The following TTN variants were observed in gnomAD, a reference collection of about 807,000 sequenced individuals.
TTN encodes connectin.
A neutral mutation model predicts 3,223.0 loss-of-function variants in TTN; 1,525 were observed. The observed-to-expected ratio is 0.47, with a 90% CI of 0.45 to 0.49. The LOEUF is 0.49. Ranked by LOEUF, TTN falls within the 20% of genes least tolerant of loss-of-function variation. TTN has a pLI of 0.00. For synonymous variants in TTN, 14,094 were observed against 15,161.0 expected (o/e 0.93, Z 5.17); for missense variants, 40,786 against 43,424.0 (o/e 0.94, Z 5.40).
rs749399326 is a variant in TTN at position 178,750,000 on chromosome 2, T to C, written c.11311+3124A>G. 5.0e-6 allele frequency: 8 copies of C among 1,613,114 alleles called. No homozygotes were observed. The South Asian group carries it at 5.5e-5, about 11-fold the overall frequency. On this transcript the variant is annotated intron_variant, in intron 47 of 362. Transcript: ENST00000589042. ...GATTGAGTAACTTGATCTTGAGGCA[T>C]TGCTTTAGGTTCCAGCTCCTCAGTT...
In TTN at chr2:178,684,761, C is replaced by A. The variant is rs397517540; in HGVS notation, c.32555-12G>T. 36 of 1,610,610 alleles carry A rather than the reference C, an allele frequency of 2.2e-5. No homozygotes were observed. Among genetic ancestry groups the A allele is most frequent in the Admixed American group, 1.7e-4 (10 of 59,616 alleles). On this transcript the variant is annotated splice_polypyrimidine_tract_variant and intron_variant, in intron 130 of 362. Transcript: ENST00000589042. ...TGGCTCTTCTGGCACTTAAAAGATA[C>A]CAGGCAATACCATCAAACATACGAT...
In TTN at chr2:178,558,833, G is replaced by A. The variant is rs891278858; in HGVS notation, c.86822-196C>T. On this transcript the variant is annotated intron_variant, in intron 326 of 362. Transcript: ENST00000589042. The stretch of plus-strand genomic sequence containing the variant: ...ACAAGCTATGTCATTACATGCTATA[G>A]CATTCAAATCCAAATTAAGGGTAAA... 7.0e-6 allele frequency: 4 copies of A among 567,530 alleles called. No homozygotes were observed. The Admixed American group carries it at 1.5e-4, about 22-fold the overall frequency. 35.2% of individuals were successfully genotyped at this position (567,530 alleles called of 1,614,324 possible). A position where few individuals can be genotyped will look rare whatever the true frequency, so the allele number is the denominator to read the frequency against.
In TTN at chr2:178,605,112, G is replaced by A; in HGVS notation, c.54065C>T (p.Ser18022Phe). The A allele has an allele frequency of 6.2e-7, 1 of 1,612,674 alleles. No individual in the cohort carries two copies. ...DALQITKEEVSRSEAKTELSI... is the reference protein window; with the variant it reads ...DALQITKEEVFRSEAKTELSI... ...AAGCTCAGTTTTTGCCTCACTTCGG[G>A]ATACCTCTTCCTTGGTTATCTGAAG... The change falls in exon 280 of 363, where the codon TCC becomes TTC. Residue 18022 changes from serine (S) to phenylalanine (F), a missense_variant. Ser to Phe is a radical substitution (Grantham distance 155). Coordinates refer to ENST00000589042, the MANE Select transcript of TTN (RefSeq NM_001267550.2).
chr2:178,611,195 G>C lies in TTN; in HGVS notation c.50934C>G (p.Phe16978Leu), dbSNP rs1417308681. 3 of 1,612,640 alleles carry C rather than the reference G, an allele frequency of 1.9e-6. No individual in the cohort carries two copies. The highest frequency in any genetic ancestry group is 2.5e-6 in the Non-Finnish European group (3 of 1,179,294). The part of the protein sequence containing the change: ...EGEKLSIPVP[F>L]RAVPVPTVSW... ...TAACAGTTGGAACTGGGACAGCTCT[G>C]AAGGGAACAGGAATGCTTAACTTTT... The change falls in exon 270 of 363, where the codon TTC becomes TTG. Residue 16978 changes from phenylalanine to leucine, a missense_variant. By Grantham distance (22) the Phe-to-Leu change is conservative (BLOSUM62 0). Transcript: ENST00000589042.
rs1060500452 is a variant in TTN at position 178,582,389 on chromosome 2, C to A, written c.66067G>T (p.Gly22023Cys). ...CAAATACGGAACTGATACTCATGGCCCTCTATAAGTTTCTCCACGCTGCAG... is the reference window on the plus strand; with the variant it reads ...CAAATACGGAACTGATACTCATGGCACTCTATAAGTTTCTCCACGCTGCAG... ...TSCSVEKLIE[G>C]HEYQFRICAE... The change falls in exon 314 of 363, where the codon GGC becomes TGC. Residue 22023 changes from glycine (G) to cysteine (C), a missense_variant. Physicochemically the swap from Gly to Cys is radical, Grantham distance 159. Coordinates refer to ENST00000589042, the MANE Select transcript of TTN (RefSeq NM_001267550.2). The A allele has an allele frequency of 6.2e-7, 1 of 1,612,756 alleles. No homozygotes were observed. The highest frequency in any genetic ancestry group is 8.5e-7 in the Non-Finnish European group (1 of 1,179,314).
Position 178,559,489 on chromosome 2 carries a change from G to A in TTN, c.86643C>T (p.His28881=), listed in dbSNP as rs1553560212. 1 of 1,613,654 alleles carries A rather than the reference G, an allele frequency of 6.2e-7. No homozygotes were observed. The highest frequency in any genetic ancestry group is 8.5e-7 in the Non-Finnish European group (1 of 1,179,712). ...TCTTGCTGGCCTCACGTTTTTCTAT[G>A]TGGTAATTCTTCACTGGTGCTCCAC... ...NDGGAPVKNY[H]IEKREASKKA... The change falls in exon 326 of 363, where the codon CAC becomes CAT. Residue 28881 remains histidine, a synonymous_variant. Coordinates refer to ENST00000589042, the MANE Select transcript of TTN (RefSeq NM_001267550.2).
In TTN at chr2:178,712,380, T is replaced by G. The variant is rs758826201; in HGVS notation, c.27542A>C (p.Gln9181Pro). ...GGCATTTTCAATGTAGCAGTTGTAT[T>G]GTCCTGCATCCTCTACTGTGCTACT... ...IPSSTVEDAG[Q>P]YNCYIENASG... The change falls in exon 95 of 363, where the codon CAA (glutamine) becomes CCA (proline). Residue 9181 changes from glutamine (Q) to proline (P), a missense_variant. By Grantham distance (76) the Gln-to-Pro change is moderately conservative. Transcript: ENST00000589042. 1.2e-6 allele frequency: 2 copies of G among 1,613,840 alleles called. No individual in the cohort carries two copies. The highest frequency in any genetic ancestry group is 3.3e-5 in the Admixed American group (2 of 60,006).
In TTN at chr2:178,718,408, C is replaced by T; in HGVS notation, c.24698G>A (p.Ser8233Asn). ...GTACTGTGCATAATCCTCTATTGTGCTCTCAAGAATTTCCAGTATGGTAGA... is the reference window on the plus strand; with the variant it reads ...GTACTGTGCATAATCCTCTATTGTGTTCTCAAGAATTTCCAGTATGGTAGA... The part of the protein sequence containing the change: ...EKSTILEILE[S>N]TIEDYAQYSC... The change falls in exon 85 of 363, where the codon AGC becomes AAC. Residue 8233 changes from serine (S) to asparagine (N), a missense_variant. Coordinates refer to ENST00000589042, the MANE Select transcript of TTN (RefSeq NM_001267550.2). 1 of 1,613,792 alleles carries T rather than the reference C, an allele frequency of 6.2e-7. No individual in the cohort carries two copies. The highest frequency in any genetic ancestry group is 8.5e-7 in the Non-Finnish European group (1 of 1,179,744).
chr2:178,637,189 A>ATC (rs2060601157), intron 224 of TTN, among the ~76,000 whole-genome samples, 180 bp downstream of exon 224: 2 of 124,724 alleles, frequency 1.6e-5, no homozygotes, highest in Admixed American at 8.2e-5. Context: ...ATATATATAT[A>ATC]TCTCCTTGCA....
At chr2:178,796,139 T>C (rs2093757161) in intron 6 of TTN, among the ~76,000 whole-genome samples, 1 of 152,186 alleles carries the variant, frequency 6.6e-6, no homozygotes, top group South Asian at 2.1e-4. Flanking sequence ...CCAGCACTGA[T>C]GGCCAAAAAA....
chr2:178,748,820 T>G, intron 47 of TTN: 1 of 1,612,054 alleles, frequency 6.2e-7, no homozygotes, highest in Non-Finnish European at 8.5e-7. Flanking sequence ...TATTGCAATG[T>G]TAGATGAATC....
intron 7 of TTN, 65 bp downstream of exon 7, chr2:178,794,857 G>T: frequency 6.4e-7 from 1 of 1,574,318 alleles, no homozygotes; most frequent in Non-Finnish European, 8.6e-7. Context: ...TGAGTTTCAT[G>T]GCAGAAATCC....
Position 178,572,279 on chromosome 2 carries a change from A to C in TTN, c.73853T>G (p.Leu24618Arg). 1 of 1,613,112 alleles carries C rather than the reference A, an allele frequency of 6.2e-7. No homozygotes were observed. Among genetic ancestry groups the C allele is most frequent in the South Asian group, 1.1e-5 (1 of 91,026 alleles). ...CATCAAAGTTATTTTTCCTGGAGGA[A>C]GAGGTCGTTCTGATGCTTTCACAGA... Reference protein sequence around the residue: ...AESVKASERPLPPGKITLMDV... With the variant: ...AESVKASERPRPPGKITLMDV... Residue 24618 changes from leucine (L) to arginine (R), a missense_variant, in exon 326 of 363, where the codon CTT becomes CGT. By Grantham distance (102) the Leu-to-Arg change is moderately radical (BLOSUM62 -2). Transcript: ENST00000589042.
At position 178,618,072 on chromosome 2, in the gene TTN, C is replaced by G; in HGVS notation, c.47279G>C (p.Gly15760Ala). ...VEARSKYDVP[G>A]PPLNVTITDV... ...AGTGATGGTTACATTCAAAGGAGGG[C>G]CTGGAACATCTGGATTTCACCACAG... is the stretch of plus-strand genomic sequence containing the variant. Residue 15760 changes from glycine (G) to alanine (A), a missense_variant, in exon 253 of 363, where the codon GGC becomes GCC. By Grantham distance (60) the Gly-to-Ala change is moderately conservative (BLOSUM62 0). Transcript: ENST00000589042. The G allele has an allele frequency of 1.2e-6, 2 of 1,611,974 alleles. No homozygotes were observed. Among genetic ancestry groups the G allele is most frequent in the South Asian group, 1.1e-5 (1 of 90,950 alleles).
Position 178,651,946 on chromosome 2 carries a change from A to C in TTN, c.39317T>G (p.Val13106Gly). 1 of 1,610,614 alleles carries C rather than the reference A, an allele frequency of 6.2e-7. No homozygotes were observed. The highest frequency in any genetic ancestry group is 8.5e-7 in the Non-Finnish European group (1 of 1,178,422). Reference protein sequence around the residue: ...PPEVFEEPEEVALEEPPAEVV... With the variant: ...PPEVFEEPEEGALEEPPAEVV... ...TTCAGCAGGAGGCTCTTCTAGGGCA[A>C]CTTCCTCAGGCTCCTCGAACACTTT... Residue 13106 changes from valine to glycine, a missense_variant, in exon 205 of 363, where the codon GTT becomes GGT. Physicochemically the swap from Val to Gly is moderately radical, Grantham distance 109. Coordinates refer to ENST00000589042, the MANE Select transcript of TTN (RefSeq NM_001267550.2).
In TTN at chr2:178,714,432, T is replaced by G. The variant is rs2077152071; in HGVS notation, c.26342A>C (p.Asp8781Ala). 6.2e-7 allele frequency: 1 copy of G among 1,613,648 alleles called. No individual in the cohort carries two copies. Residue 8781 changes from aspartate to alanine, a missense_variant, in exon 91 of 363, where the codon GAC (aspartate) becomes GCC (alanine). Physicochemically the swap from Asp to Ala is moderately radical, Grantham distance 126. Coordinates refer to ENST00000589042, the MANE Select transcript of TTN (RefSeq NM_001267550.2). ...TTCTGAATAAGAAATCCATATGTTG[T>G]CACTTTCTCTAACGATTTCTCCCTT... Reference protein sequence around the residue: ...KDKGEIVRESDNIWISYSENI... With the variant: ...KDKGEIVRESANIWISYSENI...
intron 98 of TTN, among the ~76,000 whole-genome samples, 182 bp from the exon 99 acceptor site, chr2:178,710,038 T>A (rs1336500095): frequency 6.6e-6 from 1 of 152,210 alleles, no homozygotes; most frequent in Admixed American, 6.5e-5. Flanking sequence ...TCTAAACTGT[T>A]CTTTGACTTA....
intron 34 of TTN, 144 bp downstream of exon 34, chr2:178,771,067 G>C: frequency 7.5e-7 from 1 of 1,330,106 alleles, no homozygotes; most frequent in Non-Finnish European, 1.0e-6. Context: ...TGTGGAATGT[G>C]TCTCAGGAAG....
chr2:178,631,721 T>C lies in TTN; in HGVS notation c.43748-421A>G, dbSNP rs541986957. ...TAATCATGTCTATATATGTTAGCCT[T>C]CATGTTTAATCTTGTTGATATTAGG... is the stretch of plus-strand genomic sequence containing the variant. On this transcript the variant is annotated intron_variant, in intron 236 of 362. Coordinates refer to ENST00000589042, the MANE Select transcript of TTN (RefSeq NM_001267550.2). 4.9e-4 allele frequency among the ~76,000 whole-genome samples: 75 copies of C among 152,202 alleles called. 1 individual carries two copies. In the South Asian group the frequency reaches 0.014, roughly 28 times the overall value.
Sources: allele counts gnomAD v4.1 joint callset (sites outside exome capture counted in the v4.1 genomes callset), GRCh38; gene constraint gnomAD v4.1.1; transcripts MANE v1.5; gene names NCBI Gene and HGNC (gene_info 2026-07-23, HGNC 2026-07-21).